SCN8A: variants seen among roughly 807,000 people sequenced by gnomAD.
SCN8A encodes sodium voltage-gated channel alpha subunit 8.
In SCN8A, 30 loss-of-function variants were observed where a neutral mutation model predicts 184.1. The ratio of observed to expected loss-of-function variants is 0.16; its 90% CI spans 0.12 to 0.22. SCN8A has a LOEUF of 0.22. SCN8A is among the 10% of genes least tolerant of loss of function. The pLI, the probability that SCN8A is intolerant of heterozygous loss-of-function variation, is 1.00. For missense variants in SCN8A, 1,057 were observed against 2,498.9 expected, an observed-to-expected ratio of 0.42 and a Z score of 12.30; for synonymous variants, 852 against 907.0, an observed-to-expected ratio of 0.94 and a Z score of 1.09.
intron 20 of SCN8A, among the ~76,000 whole-genome samples, chr12:51,779,563 G>C (rs1937831648): frequency 6.6e-6 from 1 of 152,164 alleles, no homozygotes; most frequent in Non-Finnish European, 1.5e-5. Flanking sequence ...TGCCCACTGG[G>C]GACGTGACCT....
At chr12:51,720,033 G>T (rs1299958615) in intron 11 of SCN8A, among the ~76,000 whole-genome samples, 1 of 128,766 alleles carries the variant, frequency 7.8e-6, no homozygotes, top group Non-Finnish European at 1.5e-5. Flanking sequence ...CCGAGATCGC[G>T]CCACTGCACT....
At chr12:51,611,468 A>T (rs1939719608) in intron 1 of SCN8A, among the ~76,000 whole-genome samples, 1 of 151,922 alleles carries the variant, frequency 6.6e-6, no homozygotes, top group Non-Finnish European at 1.5e-5. Context: ...AGCTATACCT[A>T]AGTATTTCTT....
In SCN8A at chr12:51,732,477, G is replaced by A. The variant is rs528704788; in HGVS notation, c.1998+10569G>A. Among the ~76,000 whole-genome samples, 45 of 152,226 alleles carry A rather than the reference G, an allele frequency of 3.0e-4. 7 individuals carry two copies. Among genetic ancestry groups the A allele is most frequent in the African/African-American group, 8.7e-4 (36 of 41,534 alleles). On this transcript the variant is annotated intron_variant, in intron 12 of 26. Coordinates refer to ENST00000627620, the MANE Select transcript of SCN8A (RefSeq NM_001330260.2). ...ATGCTGTTCTGGTTACTATAGCTCCGTTGTATAATTTAAAATCAAGTAATG... is the reference window on the plus strand; with the variant it reads ...ATGCTGTTCTGGTTACTATAGCTCCATTGTATAATTTAAAATCAAGTAATG...
intron 13 of SCN8A, among the ~76,000 whole-genome samples, chr12:51,748,397 T>C (rs1942546520): frequency 6.6e-6 from 1 of 152,124 alleles, no homozygotes; most frequent in African/African-American, 2.4e-5. Flanking sequence ...CCCATTCCTA[T>C]TGCAAACATG....
intron 2 of SCN8A, among the ~76,000 whole-genome samples, chr12:51,675,363 T>C (rs1171449885): frequency 2.0e-5 from 3 of 152,242 alleles, no homozygotes; most frequent in East Asian, 1.9e-4. Flanking sequence ...AATGAAGAAG[T>C]GTATGCAGAA....
At chr12:51,712,422 G>A (rs192864285) in intron 11 of SCN8A, 91 of 758,114 alleles carry the variant, frequency 1.2e-4, no homozygotes, top group African/African-American at 8.7e-4. Context: ...AGCTCCTCGC[G>A]CTCTCTCCTG....
At position 51,770,566 on chromosome 12, in the gene SCN8A, C is replaced by T. The variant is rs369453843; in HGVS notation, c.3528C>T (p.Ile1176=). The T allele has an allele frequency of 9.3e-6, 15 of 1,612,648 alleles. No homozygotes were observed. In the African/African-American group the frequency reaches 9.3e-5, roughly 10 times the overall value. Reference sequence around the variant, plus strand: ...GGTTCAAGTGCTGCCAGGTCAACATCGAGGAAGGGCTAGGCAAGTCTTGGT... The same window carrying T: ...GGTTCAAGTGCTGCCAGGTCAACATTGAGGAAGGGCTAGGCAAGTCTTGGT... ...VQRFKCCQVN[I]EEGLGKSWWI... is the part of the protein sequence containing the mutation. Residue 1176 remains isoleucine, a synonymous_variant, in exon 19 of 27, where the codon ATC becomes ATT. Coordinates refer to ENST00000627620, the MANE Select transcript of SCN8A (RefSeq NM_001330260.2).
intron 26 of SCN8A, among the ~76,000 whole-genome samples, chr12:51,805,886 T>G (rs562320468): frequency 2.8e-4 from 43 of 152,224 alleles, no homozygotes; most frequent in Middle Eastern, 3.4e-3. Context: ...TGGAGTGCAG[T>G]GGCACGATCT....
At chr12:51,690,491 C>A (rs1941488495) in intron 6 of SCN8A, among the ~76,000 whole-genome samples, 1 of 151,958 alleles carries the variant, frequency 6.6e-6, no homozygotes, top group Non-Finnish European at 1.5e-5. Flanking sequence ...TAGCTGAGAC[C>A]ACAGGTGCAT....
At chr12:51,749,009 AAAGT>A (rs1182936839) in intron 13 of SCN8A, among the ~76,000 whole-genome samples, 1 of 152,228 alleles carries the variant, frequency 6.6e-6, no homozygotes, top group African/African-American at 2.4e-5. Context: ...GTCCAAAAGC[AAAGT>A]AAGAGAAACC....
At chr12:51,697,900 G>A (rs1402108302) in intron 6 of SCN8A, among the ~76,000 whole-genome samples, 3 of 152,222 alleles carry the variant, frequency 2.0e-5, no homozygotes, top group Admixed American at 1.3e-4. Flanking sequence ...CCAGGCTGGA[G>A]TGCAGTGGCG....
intron 14 of SCN8A, among the ~76,000 whole-genome samples, chr12:51,753,576 C>T (rs1453900126): frequency 1.3e-5 from 2 of 152,232 alleles, no homozygotes; most frequent in East Asian, 1.9e-4. Context: ...CCAATCAACA[C>T]GAGCGCTGAG....
rs938674707 is a variant in SCN8A at position 51,601,855 on chromosome 12, G to GTTT, written c.-55+10519_-55+10521dup. On this transcript the variant is annotated intron_variant, in intron 1 of 26. Coordinates refer to ENST00000627620, the MANE Select transcript of SCN8A (RefSeq NM_001330260.2). ...GCCAAGGGTGGTGCTCAGAGAAAGG[G>GTTT]TTTTTTTTTTTTTTTTTTTTTTTTT... Among the ~76,000 whole-genome samples, 52 of 109,742 alleles carry GTTT rather than the reference G, an allele frequency of 4.7e-4. 1 individual carries two copies. The highest frequency in any genetic ancestry group is 1.5e-3 in the African/African-American group (40 of 27,554). 72.0% of individuals were successfully genotyped at this position (109,742 alleles called of 152,430 possible).
intron 2 of SCN8A, among the ~76,000 whole-genome samples, chr12:51,672,963 C>T (rs568851826): frequency 4.6e-5 from 7 of 152,182 alleles, no homozygotes; most frequent in Non-Finnish European, 1.0e-4. Flanking sequence ...ATTTCACCTT[C>T]ATGGTCTTTC....
At chr12:51,766,347 C>T (rs1473589623) in intron 16 of SCN8A, 17 of 374,730 alleles carry the variant, frequency 4.5e-5, no homozygotes, top group Middle Eastern at 7.7e-4. Flanking sequence ...TGTGCCCGTT[C>T]GCCTACAGAA....
intron 14 of SCN8A, among the ~76,000 whole-genome samples, chr12:51,758,318 A>G (rs1348013615): frequency 6.6e-6 from 1 of 152,220 alleles, no homozygotes; most frequent in Non-Finnish European, 1.5e-5. Flanking sequence ...TAATACACCT[A>G]TCACACATGA....
intron 9 of SCN8A, among the ~76,000 whole-genome samples, chr12:51,704,363 G>T (rs531467955): frequency 6.6e-6 from 1 of 152,032 alleles, no homozygotes; most frequent in South Asian, 2.1e-4. Context: ...ATAAGGAAGG[G>T]TGTCACTCAA....
At position 51,806,379 on chromosome 12, in the gene SCN8A, C is replaced by T; in HGVS notation, c.4893C>T (p.Ile1631=). ...LARIGRILRL[I]KGAKGIRTLL... ...GTATTGGGCGCATCTTGCGTCTGATCAAAGGCGCCAAAGGGATTCGTACCC... is the reference window on the plus strand; with the variant it reads ...GTATTGGGCGCATCTTGCGTCTGATTAAAGGCGCCAAAGGGATTCGTACCC... The change falls in exon 27 of 27, where the codon ATC becomes ATT. Residue 1631 remains isoleucine, a synonymous_variant. Transcript: ENST00000627620. This position sits in a 1 kb window ranked among gnomAD's most constrained non-coding sequence, Gnocchi z 8.7. The T allele has an allele frequency of 6.2e-7, 1 of 1,603,778 alleles. No individual in the cohort carries two copies. Among genetic ancestry groups the T allele is most frequent in the Non-Finnish European group, 8.5e-7 (1 of 1,172,984 alleles).
chr12:51,725,658 A>T (rs915640258), intron 12 of SCN8A, among the ~76,000 whole-genome samples: 5 of 152,216 alleles, frequency 3.3e-5, no homozygotes, highest in Admixed American at 6.5e-5. Context: ...CTGACAGCTT[A>T]AATATTAGCT....
Sources: gnomAD v4.1 joint callset for allele counts (sites outside exome capture counted in the v4.1 genomes callset) on GRCh38, gnomAD v4.1.1 for gene constraint, Gnocchi (gnomAD v3.1) non-coding constraint, MANE v1.5 for transcripts, NCBI Gene and HGNC (gene_info 2026-07-23, HGNC 2026-07-21) for gene names.